TMEM72: variants seen among roughly 807,000 people sequenced by gnomAD.
TMEM72 encodes the protein kidney-specific secretory protein of 37 kDa.
A neutral mutation model predicts 16.3 loss-of-function variants in TMEM72; 9 were observed. The observed-to-expected ratio is 0.55, with a 90% CI of 0.33 to 0.96. The LOEUF is 0.96. Among genes scored for constraint, TMEM72 ranks in the 40% least tolerant of loss-of-function variants. The pLI is 0.03. For synonymous variants in TMEM72, 160 were observed against 146.5 expected, an observed-to-expected ratio of 1.09 and a Z score of -0.66; for missense variants, 324 against 337.8, an observed-to-expected ratio of 0.96 and a Z score of 0.32.
intron 3 of TMEM72, among the ~76,000 whole-genome samples, chr10:44,932,596 A>T (rs567221756): frequency 6.6e-6 from 1 of 152,276 alleles, no homozygotes; most frequent in East Asian, 1.9e-4. Context: ...GGAAGCTGTT[A>T]TCGGTGAGAC....
In TMEM72 at chr10:44,933,724, G is replaced by T. The variant is rs768358660; in HGVS notation, c.297G>T (p.Leu99=). The T allele has an allele frequency of 1.9e-6, 3 of 1,614,012 alleles. No individual in the cohort carries two copies. The South Asian group carries it at 3.3e-5, about 18-fold the overall frequency. ...AGAAGTTCCTGGCCTACCTGCTGCTGTCGGTGGCCTGCTTCCTCCACCCGG... is the reference window on the plus strand; with the variant it reads ...AGAAGTTCCTGGCCTACCTGCTGCTTTCGGTGGCCTGCTTCCTCCACCCGG... ...CFQKFLAYLL[L]SVACFLHPVL... The change falls in exon 4 of 5, where the codon CTG becomes CTT. Residue 99 remains leucine (L), a synonymous_variant. Transcript: ENST00000389583.
chr10:44,921,274 G>A (rs1316737833), intron 1 of TMEM72, among the ~76,000 whole-genome samples: 2 of 152,158 alleles, frequency 1.3e-5, no homozygotes, highest in East Asian at 1.9e-4. Flanking sequence ...GTGCTGGAGT[G>A]GGCATAAGGT....
Position 44,919,551 on chromosome 10 carries a change from C to T in TMEM72, c.70+7969C>T, listed in dbSNP as rs142517349. ...ACAAATTATAATAGCATTGAAAATC[C>T]GAAATATTTAGGGATAAATCTGACA... On this transcript the variant is annotated intron_variant, in intron 1 of 4. Coordinates refer to ENST00000389583, the MANE Select transcript of TMEM72 (RefSeq NM_001123376.3). Among the ~76,000 whole-genome samples the T allele has an allele frequency of 2.5e-3, 381 of 152,082 alleles. 1 individual carries two copies. The highest frequency in any genetic ancestry group is 8.6e-3 in the African/African-American group (355 of 41,486).
chr10:44,927,343 A>G (rs1381284529), intron 1 of TMEM72, among the ~76,000 whole-genome samples: 1 of 152,192 alleles, frequency 6.6e-6, no homozygotes, highest in Non-Finnish European at 1.5e-5. Flanking sequence ...GTTCAGCACT[A>G]ACTGCCAAGA....
chr10:44,919,323 G>T (rs1278036369), intron 1 of TMEM72, among the ~76,000 whole-genome samples: 1 of 152,066 alleles, frequency 6.6e-6, no homozygotes, highest in Non-Finnish European at 1.5e-5. Context: ...GAAACAAAAT[G>T]CATACAGATT....
intron 1 of TMEM72, among the ~76,000 whole-genome samples, chr10:44,920,405 C>T (rs1020141160): frequency 2.6e-5 from 4 of 152,212 alleles, no homozygotes; most frequent in African/African-American, 7.2e-5. Flanking sequence ...TAGGCAGCCC[C>T]GCAGATGGCC....
At chr10:44,932,182 G>A (rs1840310155) in intron 3 of TMEM72, 113 bp downstream of exon 3, 17 of 1,270,344 alleles carry the variant, frequency 1.3e-5, no homozygotes, top group Non-Finnish European at 1.9e-5. Flanking sequence ...AGCCACTGTG[G>A]ACAGGAGCCC....
At chr10:44,928,659 C>A (rs1840240818) in intron 2 of TMEM72, among the ~76,000 whole-genome samples, 1 of 102,298 alleles carries the variant, frequency 9.8e-6, no homozygotes. Flanking sequence ...CCCATACACC[C>A]AACCATCCAT....
intron 1 of TMEM72, among the ~76,000 whole-genome samples, chr10:44,914,164 G>A (rs760913930): frequency 3.9e-5 from 6 of 152,172 alleles, no homozygotes; most frequent in South Asian, 2.1e-4. Context: ...AGGATTCCTC[G>A]AAGTCCCGCA....
In TMEM72 at chr10:44,911,504, C is replaced by G; in HGVS notation, c.-9C>G. ...GCCCTGCCAGGACTTTGTCCTCACC[C>G]CTGGCACCATGCAGCTCCAGGTGTT... is the stretch of plus-strand genomic sequence containing the variant. On this transcript the variant is annotated 5_prime_UTR_variant, in exon 1 of 5. Coordinates refer to ENST00000389583, the MANE Select transcript of TMEM72 (RefSeq NM_001123376.3). 1 of 1,550,658 alleles carries G rather than the reference C, an allele frequency of 6.4e-7. No individual in the cohort carries two copies. Among genetic ancestry groups the G allele is most frequent in the Non-Finnish European group, 8.7e-7 (1 of 1,146,996 alleles).
intron 1 of TMEM72, among the ~76,000 whole-genome samples, chr10:44,921,400 C>T (rs1206039324): frequency 2.0e-5 from 3 of 151,428 alleles, no homozygotes; most frequent in Admixed American, 1.3e-4. Context: ...TCAGTGTTCC[C>T]TTGCCCCTCC....
At chr10:44,928,949 G>T (rs1289964435) in intron 2 of TMEM72, among the ~76,000 whole-genome samples, 1 of 152,188 alleles carries the variant, frequency 6.6e-6, no homozygotes, top group African/African-American at 2.4e-5. Flanking sequence ...TCAGGTCAAA[G>T]AAATATATAT....
rs1840226584 is a variant in TMEM72, at chr10:44,927,981, A to G, written c.131A>G (p.Tyr44Cys). 2.5e-6 allele frequency: 4 copies of G among 1,613,512 alleles called. No homozygotes were observed. The highest frequency in any genetic ancestry group is 3.4e-6 in the Non-Finnish European group (4 of 1,179,922). Residue 44 changes from tyrosine to cysteine, a missense_variant, in exon 2 of 5, where the codon TAT (tyrosine) becomes TGT (cysteine). By Grantham distance (194) the Tyr-to-Cys change is radical. Coordinates refer to ENST00000389583, the MANE Select transcript of TMEM72 (RefSeq NM_001123376.3). ...GGCCAGTTCAAAAGCCTGGCTTTCT[A>G]TCTGCTGTGAGTATGTGTGCATGTG... is the stretch of plus-strand genomic sequence containing the variant. ...LQGQFKSLAF[Y>C]LLFTGAAVSI...
chr10:44,928,076 C>A, intron 2 of TMEM72, 89 bp downstream of exon 2: 1 of 1,443,678 alleles, frequency 6.9e-7, no homozygotes, highest in South Asian at 1.2e-5. Context: ...CAGAGCAGTC[C>A]CCTTCCCATG....
chr10:44,921,190 T>A (rs1227315075), intron 1 of TMEM72, among the ~76,000 whole-genome samples: 1 of 152,162 alleles, frequency 6.6e-6, no homozygotes, highest in African/African-American at 2.4e-5. Context: ...TGTCCATGAA[T>A]GGCTCCATCA....
At chr10:44,929,598 C>A (rs1319149741) in intron 2 of TMEM72, among the ~76,000 whole-genome samples, 1 of 152,268 alleles carries the variant, frequency 6.6e-6, no homozygotes, top group African/African-American at 2.4e-5. Context: ...AGATGCGGTT[C>A]AGCCTCTGAG....
chr10:44,923,977 G>C (rs550931602), intron 1 of TMEM72, among the ~76,000 whole-genome samples: 1 of 152,338 alleles, frequency 6.6e-6, no homozygotes, highest in South Asian at 2.1e-4. Context: ...GATACCCTGT[G>C]CTGGGAGAGG....
rs1297273547 is a variant in TMEM72 at position 44,935,005 on chromosome 10, C to T, written c.699C>T (p.Pro233=). 4 of 1,614,018 alleles carry T rather than the reference C, an allele frequency of 2.5e-6. No homozygotes were observed. The highest frequency in any genetic ancestry group is 1.3e-5 in the African/African-American group (1 of 75,066). ...HFEDNLVRIV[P]SLAEGLDDGD... ...AAGACAACTTGGTCCGCATAGTCCC[C>T]TCCCTCGCCGAAGGTCTGGATGATG... The change falls in exon 5 of 5, where the codon CCC becomes CCT. Residue 233 remains proline, a synonymous_variant. Transcript: ENST00000389583.
chr10:44,921,373 G>A (rs1481011153), intron 1 of TMEM72, among the ~76,000 whole-genome samples: 7 of 151,046 alleles, frequency 4.6e-5, no homozygotes, highest in South Asian at 2.1e-4. Flanking sequence ...ACTAATGGCC[G>A]TGTCAAGCAG....
Sources: allele counts gnomAD v4.1 joint callset (sites outside exome capture counted in the v4.1 genomes callset), GRCh38; gene constraint gnomAD v4.1.1; transcripts MANE v1.5; gene names NCBI Gene and HGNC (gene_info 2026-07-23, HGNC 2026-07-21).